The following THADA variants were observed in gnomAD, a reference collection of about 807,000 sequenced individuals.
The protein encoded by THADA is THADA armadillo repeat containing.
A neutral mutation model predicts 219.8 loss-of-function variants in THADA; 213 were observed. The observed-to-expected ratio is 0.97, with a 90% CI of 0.87 to 1.09. The LOEUF is 1.09. Among genes scored for constraint, THADA ranks in the 50% least tolerant of loss-of-function variants. THADA has a pLI of 0.00. For missense variants in THADA, 2,956 were observed against 2,311.3 expected (o/e 1.28, Z -5.72); for synonymous variants, 1,018 against 828.9 (o/e 1.23, Z -3.92).
Position 43,592,302 on chromosome 2 carries a change from C to G in THADA, c.76+15G>C, listed in dbSNP as rs757425342. The G allele has an allele frequency of 9.5e-6, 15 of 1,583,590 alleles. No individual in the cohort carries two copies. Among genetic ancestry groups the G allele is most frequent in the Middle Eastern group, 1.7e-4 (1 of 6,018 alleles). ...CTAGAAAAAAATATAATAAGGGAAA[C>G]CAGAAGTCACCTACATTTCAAAGTT... On this transcript the variant is annotated intron_variant, in intron 2 of 37. Transcript: ENST00000405975.
Position 43,305,496 on chromosome 2 carries a change from C to G in THADA, c.4439-12283G>C, listed in dbSNP as rs192191891. On this transcript the variant is annotated intron_variant, in intron 31 of 37. Coordinates refer to ENST00000405975, the MANE Select transcript of THADA (RefSeq NM_022065.5). ...ACAGGTGTGGCCCCCATCACACACA[C>G]CCCTTGGAAAACATTCCTACTTTTC... is the stretch of plus-strand genomic sequence containing the variant. Among the ~76,000 whole-genome samples the G allele has an allele frequency of 4.2e-4, 64 of 152,342 alleles. 3 individuals carry two copies. Among genetic ancestry groups the G allele is most frequent in the Non-Finnish European group, 8.5e-4 (58 of 68,026 alleles).
chr2:43,492,788 G>C (rs1037149585), intron 25 of THADA, among the ~76,000 whole-genome samples: 1 of 152,084 alleles, frequency 6.6e-6, no homozygotes, highest in Non-Finnish European at 1.5e-5. Flanking sequence ...TTAAAGGGAG[G>C]GCCAGCCATG....
intron 25 of THADA, among the ~76,000 whole-genome samples, chr2:43,496,958 A>G (rs1449858740): frequency 1.3e-5 from 2 of 152,246 alleles, no homozygotes; most frequent in East Asian, 3.8e-4. Context: ...ACTGATGATT[A>G]GAGAAATACA....
chr2:43,319,249 AATTT>A (rs1377970252), intron 31 of THADA, among the ~76,000 whole-genome samples: 16 of 152,306 alleles, frequency 1.1e-4, no homozygotes, highest in African/African-American at 3.8e-4. Flanking sequence ...GGTGACCAGT[AATTT>A]ATTATGCAAA....
At chr2:43,344,887 A>G (rs1349177158) in intron 29 of THADA, among the ~76,000 whole-genome samples, 1 of 152,114 alleles carries the variant, frequency 6.6e-6, no homozygotes, top group Non-Finnish European at 1.5e-5. Flanking sequence ...TATGTACTGG[A>G]TTCAGCAATG....
chr2:43,356,998 G>T (rs1469598645), intron 29 of THADA, among the ~76,000 whole-genome samples: 1 of 152,158 alleles, frequency 6.6e-6, no homozygotes, highest in Non-Finnish European at 1.5e-5. Context: ...ATGAGCTAAT[G>T]CTAAAAACTA....
At chr2:43,323,467 G>C (rs900143013) in intron 30 of THADA, among the ~76,000 whole-genome samples, 7 of 152,254 alleles carry the variant, frequency 4.6e-5, no homozygotes, top group Admixed American at 3.3e-4. Flanking sequence ...AAAGCCCACA[G>C]TCTATAAAAA....
intron 31 of THADA, among the ~76,000 whole-genome samples, chr2:43,308,457 C>T (rs1318952629): frequency 1.3e-5 from 2 of 152,066 alleles, no homozygotes; most frequent in East Asian, 1.9e-4. Flanking sequence ...GTAATCCCAA[C>T]ACTTTGGGAG....
At chr2:43,417,934 T>A (rs991617480) in intron 28 of THADA, among the ~76,000 whole-genome samples, 2 of 152,190 alleles carry the variant, frequency 1.3e-5, no homozygotes, top group Non-Finnish European at 2.9e-5. Context: ...TGAGTTAATA[T>A]GTGTAAAGTC....
chr2:43,310,473 A>G (rs1426295536), intron 31 of THADA, among the ~76,000 whole-genome samples: 1 of 152,194 alleles, frequency 6.6e-6, no homozygotes, highest in Non-Finnish European at 1.5e-5. Context: ...CAAGGGTGCC[A>G]TGACAATTCA....
chr2:43,291,366 A>C (rs1471779261), intron 34 of THADA, among the ~76,000 whole-genome samples: 1 of 148,334 alleles, frequency 6.7e-6, no homozygotes, highest in African/African-American at 2.5e-5. Flanking sequence ...CTGGAGAAGA[A>C]TCGCTTGAAC....
At chr2:43,471,350 ACT>A (rs913197796) in intron 26 of THADA, among the ~76,000 whole-genome samples, 3 of 151,836 alleles carry the variant, frequency 2.0e-5, no homozygotes, top group African/African-American at 7.3e-5. Context: ...ATGTAGTGAG[ACT>A]CTCTCTCTAC....
chr2:43,233,995 C>G (rs1667740464), intron 36 of THADA, among the ~76,000 whole-genome samples: 1 of 152,174 alleles, frequency 6.6e-6, no homozygotes, highest in Non-Finnish European at 1.5e-5. Context: ...GAAAGACTTA[C>G]TCGGCACACA....
intron 22 of THADA, among the ~76,000 whole-genome samples, chr2:43,513,979 G>C (rs1179732800): frequency 1.3e-5 from 2 of 151,400 alleles, no homozygotes; most frequent in African/African-American, 4.9e-5. Flanking sequence ...AAGATCACTT[G>C]AGCCCAGGAA....
At chr2:43,429,767 T>C (rs767683072) in intron 27 of THADA, among the ~76,000 whole-genome samples, 7 of 151,818 alleles carry the variant, frequency 4.6e-5, no homozygotes, top group Non-Finnish European at 7.4e-5. Context: ...TTTTAAAATA[T>C]AAAGACAGGA....
At chr2:43,568,322 A>AT (rs1376172943) in intron 14 of THADA, among the ~76,000 whole-genome samples, 1 of 152,180 alleles carries the variant, frequency 6.6e-6, no homozygotes, top group Non-Finnish European at 1.5e-5. Context: ...TTTTCAACTA[A>AT]TAGCCTCCTC....
intron 29 of THADA, among the ~76,000 whole-genome samples, chr2:43,394,553 C>T (rs1673795747): frequency 1.3e-5 from 2 of 152,162 alleles, no homozygotes. Context: ...TCCTTTCAAT[C>T]CCTAACACCT....
chr2:43,482,087 A>G (rs1197223199), intron 26 of THADA, among the ~76,000 whole-genome samples: 1 of 152,202 alleles, frequency 6.6e-6, no homozygotes, highest in Non-Finnish European at 1.5e-5. Flanking sequence ...CAGGTTGCAG[A>G]GCTTTGCTGG....
intron 24 of THADA, among the ~76,000 whole-genome samples, chr2:43,500,155 T>C (rs751724399): frequency 4.6e-5 from 7 of 151,606 alleles, no homozygotes; most frequent in Non-Finnish European, 8.8e-5. Context: ...GTCTCTAAAA[T>C]AAAAAAATAA....
Sources: gnomAD v4.1 joint callset for allele counts (sites outside exome capture counted in the v4.1 genomes callset) on GRCh38, gnomAD v4.1.1 for gene constraint, MANE v1.5 for transcripts, NCBI Gene and HGNC (gene_info 2026-07-23, HGNC 2026-07-21) for gene names.